The following KCNIP4 variants were observed in gnomAD, a reference collection of about 807,000 sequenced individuals.
KCNIP4 encodes the protein potassium voltage-gated channel interacting protein 4.
In KCNIP4, 12 loss-of-function variants were observed where a neutral mutation model predicts 34.0. That is an observed-to-expected ratio of 0.35 (90% CI 0.23 to 0.57). KCNIP4 has a LOEUF of 0.57. Ranked by LOEUF, KCNIP4 falls within the 20% of genes least tolerant of loss-of-function variation. The pLI is 0.83. For missense variants in KCNIP4, 238 were observed against 311.7 expected (o/e 0.76, Z 1.78); for synonymous variants, 124 against 102.2 (o/e 1.21, Z -1.29).
intron 1 of KCNIP4, among the ~76,000 whole-genome samples, chr4:21,575,101 A>G (rs1740652778): frequency 6.6e-6 from 1 of 152,192 alleles, no homozygotes; most frequent in South Asian, 2.1e-4. Flanking sequence ...TAACTTGTAA[A>G]CACTTATGCT....
chr4:20,897,725 A>G (rs909560143), intron 1 of KCNIP4, among the ~76,000 whole-genome samples: 1 of 152,182 alleles, frequency 6.6e-6, no homozygotes, highest in Non-Finnish European at 1.5e-5. Context: ...GAGGACAGCC[A>G]TCTGAAAGCC....
chr4:21,082,592 AT>A (rs1279608506), intron 1 of KCNIP4, among the ~76,000 whole-genome samples: 2 of 151,684 alleles, frequency 1.3e-5, no homozygotes, highest in Non-Finnish European at 2.9e-5. Context: ...TGCCACTGAA[AT>A]TTACAGTGTC....
chr4:20,933,052 C>T (rs141503616), intron 1 of KCNIP4, among the ~76,000 whole-genome samples: 155 of 152,076 alleles, frequency 1.0e-3, no homozygotes, highest in Non-Finnish European at 1.9e-3. Flanking sequence ...TCAAGACCAG[C>T]CTGGCCAACA....
intron 1 of KCNIP4, among the ~76,000 whole-genome samples, chr4:21,767,935 C>T (rs1312475103): frequency 6.6e-6 from 1 of 152,050 alleles, no homozygotes; most frequent in South Asian, 2.1e-4. Context: ...AGAAAGCCAA[C>T]AAAATCCCCT....
intron 3 of KCNIP4, among the ~76,000 whole-genome samples, chr4:20,781,540 A>G (rs1349832557): frequency 6.6e-6 from 1 of 152,204 alleles, no homozygotes; most frequent in Non-Finnish European, 1.5e-5. Context: ...GGCAGAAGGC[A>G]CTTCTTACAT....
At chr4:21,123,313 G>A (rs2109142131) in intron 1 of KCNIP4, among the ~76,000 whole-genome samples, 1 of 152,204 alleles carries the variant, frequency 6.6e-6, no homozygotes. Flanking sequence ...GACTGTTCTA[G>A]GAACCTGGGA....
intron 4 of KCNIP4, among the ~76,000 whole-genome samples, chr4:20,753,457 C>T (rs766905891): frequency 3.8e-4 from 58 of 152,212 alleles, no homozygotes; most frequent in Middle Eastern, 3.4e-3. Context: ...CCAATTATAT[C>T]GAGAACACAG....
intron 1 of KCNIP4, among the ~76,000 whole-genome samples, chr4:21,526,750 C>T (rs1249229704): frequency 1.3e-5 from 2 of 152,124 alleles, no homozygotes; most frequent in Admixed American, 6.6e-5. Context: ...AAACTCCATA[C>T]ATTTTCCACA....
At chr4:21,771,970 G>A (rs1718825288) in intron 1 of KCNIP4, among the ~76,000 whole-genome samples, 1 of 152,102 alleles carries the variant, frequency 6.6e-6, no homozygotes, top group Non-Finnish European at 1.5e-5. Context: ...TTGAATAGGG[G>A]TGGTGACAGA....
chr4:21,818,997 C>A (rs10034770), intron 1 of KCNIP4, among the ~76,000 whole-genome samples: 57,219 of 152,010 alleles, frequency 0.38, 11,906 homozygotes, highest in East Asian at 0.65. Flanking sequence ...ATGGAAAATG[C>A]CTACTCTGTG....
At chr4:20,923,857 A>C (rs563433123) in intron 1 of KCNIP4, among the ~76,000 whole-genome samples, 1 of 151,974 alleles carries the variant, frequency 6.6e-6, no homozygotes, top group Non-Finnish European at 1.5e-5. Context: ...CATTGCATTA[A>C]AATTTTTTTT....
chr4:21,026,731 A>G (rs776873474), intron 1 of KCNIP4, among the ~76,000 whole-genome samples: 11 of 152,148 alleles, frequency 7.2e-5, no homozygotes, highest in Non-Finnish European at 1.3e-4. Context: ...TTAGAATCTG[A>G]TTGGGATATA....
intron 3 of KCNIP4, among the ~76,000 whole-genome samples, chr4:20,811,602 G>A (rs1422352822): frequency 6.6e-6 from 1 of 152,164 alleles, no homozygotes; most frequent in East Asian, 1.9e-4. Flanking sequence ...GAAAGAAGTT[G>A]AATGGCATGC....
chr4:20,813,771 T>C (rs1716052935), intron 3 of KCNIP4, among the ~76,000 whole-genome samples: 1 of 152,214 alleles, frequency 6.6e-6, no homozygotes, highest in Admixed American at 6.5e-5. Flanking sequence ...TCTTCAAAGT[T>C]GAACTTAGGA....
chr4:21,782,988 T>A (rs1719666070), intron 1 of KCNIP4, among the ~76,000 whole-genome samples: 1 of 152,122 alleles, frequency 6.6e-6, no homozygotes, highest in South Asian at 2.1e-4. Context: ...AACAAATTAG[T>A]AGCTGCCAAG....
chr4:21,345,067 T>A (rs1403644624), intron 1 of KCNIP4, among the ~76,000 whole-genome samples: 5 of 152,174 alleles, frequency 3.3e-5, no homozygotes, highest in Non-Finnish European at 7.4e-5. Context: ...GACTTGCTTC[T>A]GGACAACAGA....
intron 1 of KCNIP4, among the ~76,000 whole-genome samples, chr4:21,033,836 A>G (rs370763301): frequency 6.6e-6 from 1 of 152,326 alleles, no homozygotes; most frequent in African/African-American, 2.4e-5. Context: ...ACTTTATAGT[A>G]ATAAGCAAGC....
At chr4:21,468,397 G>A (rs1730170511) in intron 1 of KCNIP4, among the ~76,000 whole-genome samples, 3 of 152,174 alleles carry the variant, frequency 2.0e-5, no homozygotes, top group Admixed American at 2.0e-4. Context: ...AGCACAGCAG[G>A]CAAGAAAGAC....
chr4:21,273,158 T>G (rs558870347), intron 1 of KCNIP4, among the ~76,000 whole-genome samples: 12 of 152,246 alleles, frequency 7.9e-5, no homozygotes, highest in Non-Finnish European at 1.5e-4. Context: ...AAACATATCC[T>G]TATCAATTTG....
Sources: gnomAD v4.1 joint callset for allele counts (sites outside exome capture counted in the v4.1 genomes callset) on GRCh38, gnomAD v4.1.1 for gene constraint, MANE v1.5 for transcripts, NCBI Gene and HGNC (gene_info 2026-07-23, HGNC 2026-07-21) for gene names.